COL24A1: variants seen among roughly 807,000 people sequenced by gnomAD.
COL24A1 encodes collagen alpha-1(XXIV) chain.
A neutral mutation model predicts 253.9 loss-of-function variants in COL24A1; 224 were observed. The observed-to-expected ratio is 0.88, with a 90% CI of 0.79 to 0.99. COL24A1 has a LOEUF of 0.99. Among genes scored for constraint, COL24A1 ranks in the 50% least tolerant of loss-of-function variants. The pLI is 0.00. For missense variants in COL24A1, 2,131 were observed against 2,068.5 expected, an observed-to-expected ratio of 1.03 and a Z score of -0.59; for synonymous variants, 685 against 673.7, an observed-to-expected ratio of 1.02 and a Z score of -0.26.
chr1:85,737,682 A>G (rs897651821), intron 57 of COL24A1, among the ~76,000 whole-genome samples, 177 bp from the exon 58 acceptor site: 13 of 151,422 alleles, frequency 8.6e-5, no homozygotes, highest in Non-Finnish European at 1.5e-5. Context: ...TCATGCCTCA[A>G]CCTCCTGAGT....
chr1:85,896,453 T>A, intron 28 of COL24A1, 44 bp from the exon 29 acceptor site: 1 of 1,471,334 alleles, frequency 6.8e-7, no homozygotes, highest in Non-Finnish European at 9.5e-7. Flanking sequence ...GAAATGTTCC[T>A]TTTTTTTTCT....
chr1:85,911,121 A>G (rs1685319512), intron 25 of COL24A1, among the ~76,000 whole-genome samples: 1 of 151,940 alleles, frequency 6.6e-6, no homozygotes, highest in Non-Finnish European at 1.5e-5. Context: ...TTTACATAAT[A>G]TTTTCTAGTC....
At chr1:86,025,548 A>G (rs1370379338) in intron 14 of COL24A1, among the ~76,000 whole-genome samples, 3 of 152,218 alleles carry the variant, frequency 2.0e-5, no homozygotes, top group Non-Finnish European at 4.4e-5. Context: ...ATGACAACCA[A>G]CTGCATGGAA....
At chr1:85,838,181 A>T (rs1463373371) in intron 43 of COL24A1, among the ~76,000 whole-genome samples, 1 of 151,826 alleles carries the variant, frequency 6.6e-6, no homozygotes, top group Non-Finnish European at 1.5e-5. Flanking sequence ...GAGAGACAAG[A>T]TTTTTTTTCT....
In COL24A1 at chr1:86,126,111, G is replaced by C. The variant is rs1221880196; in HGVS notation, c.225C>G (p.Val75=). Reference sequence around the variant, plus strand: ...AAATGACTCCTGATTCTGTTAAATGGACCCCCTGAGGTAACGGTGTAGATG... The same window carrying C: ...AAATGACTCCTGATTCTGTTAAATGCACCCCCTGAGGTAACGGTGTAGATG... ...PSASTPLPQG[V]HLTESGVIFK... is the part of the protein sequence containing the mutation. Residue 75 remains valine (V), a synonymous_variant, in exon 3 of 60, where the codon GTC becomes GTG. Coordinates refer to ENST00000370571, the MANE Select transcript of COL24A1 (RefSeq NM_152890.7). 1 of 1,612,730 alleles carries C rather than the reference G, an allele frequency of 6.2e-7. No individual in the cohort carries two copies. Among genetic ancestry groups the C allele is most frequent in the East Asian group, 2.2e-5 (1 of 44,834 alleles).
rs75378923 is a variant in COL24A1, at chr1:85,959,339, G to A, written c.2562+1910C>T. On this transcript the variant is annotated intron_variant, in intron 24 of 59. Transcript: ENST00000370571. ...TTAACAAGAAAGATAGAATCTCAAA[G>A]TTGGAAAGGTCTTTTTGTCTAATAA... is the stretch of plus-strand genomic sequence containing the variant. Among the ~76,000 whole-genome samples, 39 of 152,214 alleles carry A rather than the reference G, an allele frequency of 2.6e-4. 1 individual carries two copies. The East Asian group carries it at 7.3e-3, about 29-fold the overall frequency.
intron 32 of COL24A1, among the ~76,000 whole-genome samples, chr1:85,881,611 C>T (rs990527572): frequency 2.6e-5 from 4 of 151,998 alleles, no homozygotes; most frequent in East Asian, 1.9e-4. Context: ...GGTGACAGAA[C>T]GAGACTCTGT....
chr1:85,747,360 C>T (rs931047273), intron 55 of COL24A1, among the ~76,000 whole-genome samples: 42 of 151,810 alleles, frequency 2.8e-4, no homozygotes, highest in South Asian at 1.7e-3. Flanking sequence ...GTGATCTGCC[C>T]GCCTTGGCCT....
chr1:85,965,071 G>C lies in COL24A1; in HGVS notation c.2464-9C>G. 3.7e-6 allele frequency: 6 copies of C among 1,603,678 alleles called. No homozygotes were observed. Among genetic ancestry groups the C allele is most frequent in the Non-Finnish European group, 5.1e-6 (6 of 1,174,304 alleles). ...TTTTGACCTGGTTTTCCCTAGAAGA[G>C]AACAGCATAAAAGAAGAAAGTATAT... On this transcript the variant is annotated splice_polypyrimidine_tract_variant and intron_variant, in intron 22 of 59. Transcript: ENST00000370571.
chr1:85,939,906 G>A (rs1688582688), intron 24 of COL24A1, among the ~76,000 whole-genome samples: 1 of 151,710 alleles, frequency 6.6e-6, no homozygotes, highest in Non-Finnish European at 1.5e-5. Flanking sequence ...TTCTTTTCTG[G>A]CATGAAGTAG....
intron 24 of COL24A1, among the ~76,000 whole-genome samples, chr1:85,917,569 CTG>C (rs1033323362): frequency 6.7e-6 from 1 of 149,882 alleles, no homozygotes; most frequent in Non-Finnish European, 1.5e-5. Context: ...TGGGCTTTTT[CTG>C]TGTAATTCTT....
chr1:85,739,778 T>TA (rs1176134100), intron 57 of COL24A1, among the ~76,000 whole-genome samples: 2 of 152,138 alleles, frequency 1.3e-5, no homozygotes, highest in Non-Finnish European at 2.9e-5. Flanking sequence ...CCAACCCTCT[T>TA]ACTTTTCCAC....
intron 35 of COL24A1, among the ~76,000 whole-genome samples, chr1:85,869,222 G>C (rs1027574282): frequency 6.6e-6 from 1 of 152,100 alleles, no homozygotes; most frequent in Non-Finnish European, 1.5e-5. Flanking sequence ...ATTTACATGG[G>C]TTAATAAAAC....
chr1:85,814,551 T>C (rs1028361799), intron 47 of COL24A1, among the ~76,000 whole-genome samples: 1 of 152,192 alleles, frequency 6.6e-6, no homozygotes. Context: ...AAAAATGGCA[T>C]ATATTGAAAC....
chr1:85,967,493 G>A (rs1691683409), intron 22 of COL24A1, among the ~76,000 whole-genome samples: 1 of 152,134 alleles, frequency 6.6e-6, no homozygotes, highest in South Asian at 2.1e-4. Context: ...AAGAGAGAAT[G>A]TATTAGAAAG....
intron 47 of COL24A1, among the ~76,000 whole-genome samples, chr1:85,806,075 C>CAAAAAA (rs59669169): frequency 1.1e-5 from 1 of 95,090 alleles, no homozygotes; most frequent in African/African-American, 3.8e-5. Context: ...GACTCCGTCT[C>CAAAAAA]AAAAAAAAAA....
rs1028918726 is a variant in COL24A1, at chr1:86,115,398, G to T, written c.1492-20C>A. 1.2e-6 allele frequency: 2 copies of T among 1,611,006 alleles called. No individual in the cohort carries two copies. Among genetic ancestry groups the T allele is most frequent in the Admixed American group, 1.7e-5 (1 of 59,872 alleles). On this transcript the variant is annotated intron_variant, in intron 3 of 59. Transcript: ENST00000370571. The stretch of plus-strand genomic sequence containing the variant: ...TGGACCCTTGGAAAACAAATGTCAA[G>T]ACATTAGGCATGATAGTGGACACAT...
chr1:85,896,372 C>A lies in COL24A1; in HGVS notation c.2816G>T (p.Gly939Val). Reference protein sequence around the residue: ...RGPDGLLGEQGIQGAKGEKGD... With the variant: ...RGPDGLLGEQVIQGAKGEKGD... The stretch of plus-strand genomic sequence containing the variant: ...AATGATTACCTTGGCACCTTGTATA[C>A]CTTGTTCCCCTAAGAGACCATCTGG... The change falls in exon 29 of 60, where the codon GGT becomes GTT. Residue 939 changes from glycine to valine, a missense_variant. By Grantham distance (109) the Gly-to-Val change is moderately radical. Coordinates refer to ENST00000370571, the MANE Select transcript of COL24A1 (RefSeq NM_152890.7). 1.9e-6 allele frequency: 3 copies of A among 1,613,478 alleles called. No homozygotes were observed. The highest frequency in any genetic ancestry group is 2.5e-6 in the Non-Finnish European group (3 of 1,179,458).
At chr1:86,003,917 A>C (rs2101077079) in intron 19 of COL24A1, among the ~76,000 whole-genome samples, 1 of 152,286 alleles carries the variant, frequency 6.6e-6, no homozygotes, top group South Asian at 2.1e-4. Flanking sequence ...GTTATAAAAA[A>C]CCAAGTAGAC....
Sources: allele counts gnomAD v4.1 joint callset (sites outside exome capture counted in the v4.1 genomes callset), GRCh38; gene constraint gnomAD v4.1.1; transcripts MANE v1.5; gene names NCBI Gene and HGNC (gene_info 2026-07-23, HGNC 2026-07-21).